Variants in FAT4 observed in about 807,000 individuals in gnomAD.
FAT4 encodes FAT atypical cadherin 4, also known as protocadherin Fat 4.
Under a neutral mutation model 303.9 loss-of-function variants are expected in FAT4, and 84 were observed. The ratio of observed to expected loss-of-function variants is 0.28; its 90% CI spans 0.23 to 0.33. The LOEUF (loss-of-function observed/expected upper bound fraction) is 0.33, where lower values mean the gene tolerates loss of function less well. Among genes scored for constraint, FAT4 ranks in the 10% least tolerant of loss-of-function variants. The pLI is 1.00. For synonymous variants in FAT4, 2,307 were observed against 2,298.8 expected (o/e 1.00, Z -0.10); for missense variants, 6,005 against 6,146.8 (o/e 0.98, Z 0.77).
In FAT4 at chr4:125,446,279, G is replaced by T. The variant is rs1412676112; in HGVS notation, c.7200-14G>T. 6.2e-7 allele frequency: 1 copy of T among 1,604,986 alleles called. No homozygotes were observed. Among genetic ancestry groups the T allele is most frequent in the Admixed American group, 1.7e-5 (1 of 59,798 alleles). On this transcript the variant is annotated splice_polypyrimidine_tract_variant and intron_variant, in intron 8 of 17. Transcript: ENST00000394329. ...AACTATATGACATATCCCTATTTCT[G>T]CTTTCTGCTTTAGTTATAGGATCAT...
Position 125,443,881 on chromosome 4 carries a change from C to T in FAT4, c.7200-2412C>T, listed in dbSNP as rs887998408. ...ACATATTATCTTAACTGTCGATCTA[C>T]GTACAGAGCTTATTGTGTTTCTTCT... On this transcript the variant is annotated intron_variant, in intron 8 of 17. Transcript: ENST00000394329. Among the ~76,000 whole-genome samples the T allele has an allele frequency of 6.6e-5, 10 of 152,084 alleles. No individual in the cohort carries two copies. The South Asian group carries it at 8.3e-4, about 13-fold the overall frequency.
rs560457434 is a variant in FAT4 at position 125,370,190 on chromosome 4, T to C, written c.5176-28594T>C. ...AAAATGTTACTTCTTTCTGACTTTT[T>C]GTAAAATCAGGATGGAAATATATTT... is the stretch of plus-strand genomic sequence containing the variant. On this transcript the variant is annotated intron_variant, in intron 2 of 17. Transcript: ENST00000394329. Among the ~76,000 whole-genome samples the C allele has an allele frequency of 1.0e-3, 156 of 152,188 alleles. 1 individual carries two copies. The highest frequency in any genetic ancestry group is 2.0e-3 in the Non-Finnish European group (138 of 68,032).
intron 10 of FAT4, among the ~76,000 whole-genome samples, chr4:125,462,193 A>T (rs1271223859): frequency 1.3e-5 from 2 of 151,970 alleles, no homozygotes; most frequent in Non-Finnish European, 2.9e-5. Context: ...TTCAGACCAG[A>T]ATAAGTGTGG....
chr4:125,336,569 T>C (rs980890266), intron 2 of FAT4, among the ~76,000 whole-genome samples: 1 of 152,032 alleles, frequency 6.6e-6, no homozygotes, highest in African/African-American at 2.4e-5. Context: ...TTCTTTCATT[T>C]TAATATTATA....
rs1050275705 is a variant in FAT4 at position 125,398,907 on chromosome 4, G to A, written c.5299G>A (p.Ala1767Thr). 1.9e-6 allele frequency: 3 copies of A among 1,613,018 alleles called. No individual in the cohort carries two copies. In the Admixed American group the frequency reaches 5.0e-5, roughly 27 times the overall value. The change falls in exon 3 of 18, where the codon GCT becomes ACT. Residue 1767 changes from alanine (A) to threonine (T), a missense_variant. Transcript: ENST00000394329. ...SKIMQLTAMD[A>T]DEGANALVTY... ...GATTATGCAGCTGACAGCCATGGAT[G>A]CTGATGAGGTAGCTCAAGCATGTCT...
Position 125,350,891 on chromosome 4 carries a change from C to T in FAT4, c.5175+29305C>T, listed in dbSNP as rs578097013. ...AGTCCTTTAAATTTAAAGAAGAATG[C>T]CTGACCCTTAAGACAGGGAGGTTCA... On this transcript the variant is annotated intron_variant, in intron 2 of 17. Coordinates refer to ENST00000394329, the MANE Select transcript of FAT4 (RefSeq NM_001291303.3). Among the ~76,000 whole-genome samples, 8 of 151,778 alleles carry T rather than the reference C, an allele frequency of 5.3e-5. No homozygotes were observed. In the South Asian group the frequency reaches 1.7e-3, roughly 31 times the overall value.
chr4:125,327,403 T>G (rs926726811), intron 2 of FAT4, among the ~76,000 whole-genome samples: 176 of 152,284 alleles, frequency 1.2e-3, no homozygotes, highest in African/African-American at 3.9e-3. Context: ...GAAGATTATT[T>G]TAAATAGGAA....
chr4:125,451,459 G>A lies in FAT4; in HGVS notation c.10449G>A (p.Leu3483=), dbSNP rs1188541153. The change falls in exon 10 of 18, where the codon TTG becomes TTA. Residue 3483 remains leucine, a synonymous_variant. Coordinates refer to ENST00000394329, the MANE Select transcript of FAT4 (RefSeq NM_001291303.3). The stretch of plus-strand genomic sequence containing the variant: ...TTCCCATCTATAATCTCTCAGTTTT[G>A]GCTGTTGATTCAGGGACCCCCTCAG... ...ETLPIYNLSV[L]AVDSGTPSAT... is the part of the protein sequence containing the mutation. 6.2e-7 allele frequency: 1 copy of A among 1,613,938 alleles called. No homozygotes were observed. Among genetic ancestry groups the A allele is most frequent in the African/African-American group, 1.3e-5 (1 of 74,890 alleles).
Position 125,385,708 on chromosome 4 carries a change from T to C in FAT4, c.5176-13076T>C, listed in dbSNP as rs531439797. Among the ~76,000 whole-genome samples, 18 of 152,290 alleles carry C rather than the reference T, an allele frequency of 1.2e-4. No homozygotes were observed. In the South Asian group the frequency reaches 3.3e-3, roughly 28 times the overall value. ...TATTTATAATTGATGGCTTTTTCCA[T>C]TACTCTGGAGTCTAATTTCAAATCT... On this transcript the variant is annotated intron_variant, in intron 2 of 17. Coordinates refer to ENST00000394329, the MANE Select transcript of FAT4 (RefSeq NM_001291303.3).
Position 125,490,220 on chromosome 4 carries a change from G to A in FAT4, c.13404G>A (p.Val4468=), listed in dbSNP as rs149993049. 629 of 1,614,138 alleles carry A rather than the reference G, an allele frequency of 3.9e-4. 2 individuals carry two copies. In the African/African-American group the frequency reaches 6.6e-3, roughly 17 times the overall value. Residue 4468 remains valine (V), a synonymous_variant, in exon 18 of 18, where the codon GTG becomes GTA. Coordinates refer to ENST00000394329, the MANE Select transcript of FAT4 (RefSeq NM_001291303.3). ...SHTGRTCEMV[V]ACLGVLCPQG... Reference sequence around the variant, plus strand: ...CGGGAAGGACCTGTGAGATGGTGGTGGCCTGTCTTGGCGTCCTCTGTCCTC... The same window carrying A: ...CGGGAAGGACCTGTGAGATGGTGGTAGCCTGTCTTGGCGTCCTCTGTCCTC...
intron 7 of FAT4, among the ~76,000 whole-genome samples, chr4:125,432,960 A>G (rs1202403031): frequency 6.6e-6 from 1 of 152,152 alleles, no homozygotes; most frequent in Non-Finnish European, 1.5e-5. Flanking sequence ...ATTCACAAAA[A>G]TAACAGATCT....
intron 2 of FAT4, among the ~76,000 whole-genome samples, chr4:125,383,348 G>T (rs575002001): frequency 6.6e-6 from 1 of 152,218 alleles, no homozygotes; most frequent in African/African-American, 2.4e-5. Context: ...CCATATTGTT[G>T]TTCTCAGGAA....
rs555194426 is a variant in FAT4, at chr4:125,437,943, A to G, written c.7199+3518A>G. 1.1e-4 allele frequency among the ~76,000 whole-genome samples: 16 copies of G among 152,298 alleles called. No homozygotes were observed. In the East Asian group the frequency reaches 2.7e-3, roughly 26 times the overall value. ...GCTGGTTAGAATAGCACCAGGAACA[A>G]AAAACAATGCTCAATAAATGTCAAC... is the stretch of plus-strand genomic sequence containing the variant. On this transcript the variant is annotated intron_variant, in intron 8 of 17. Transcript: ENST00000394329.
At chr4:125,440,643 G>GAGAGAGAGAT (rs1267577002) in intron 8 of FAT4, among the ~76,000 whole-genome samples, 22 of 151,302 alleles carry the variant, frequency 1.5e-4, no homozygotes, top group African/African-American at 5.3e-4. Flanking sequence ...GAGAGAGAGA[G>GAGAGAGAGAT]AATTTATTCC....
intron 2 of FAT4, among the ~76,000 whole-genome samples, chr4:125,332,327 A>T (rs1731416285): frequency 6.6e-6 from 1 of 152,122 alleles, no homozygotes; most frequent in South Asian, 2.1e-4. Context: ...CATGCCTGAC[A>T]TTAAACAATA....
In FAT4 at chr4:125,320,921, C is replaced by T; in HGVS notation, c.4510C>T (p.Pro1504Ser). 6.2e-7 allele frequency: 1 copy of T among 1,614,122 alleles called. No homozygotes were observed. The highest frequency in any genetic ancestry group is 1.3e-5 in the African/African-American group (1 of 75,040). The change falls in exon 2 of 18, where the codon CCA becomes TCA. Residue 1504 changes from proline to serine, a missense_variant. Pro to Ser is a moderately conservative substitution (Grantham distance 74). Coordinates refer to ENST00000394329, the MANE Select transcript of FAT4 (RefSeq NM_001291303.3). ...TGTAAAAGCCAATGATCAAGCTGTG[C>T]CAATAGAAACTAGACGGTATGCTTT... ...LTVKANDQAV[P>S]IETRRYALKN...
intron 2 of FAT4, among the ~76,000 whole-genome samples, chr4:125,382,541 T>TAAACA (rs1733581334): frequency 1.3e-5 from 2 of 152,052 alleles, no homozygotes; most frequent in Non-Finnish European, 2.9e-5. Context: ...TCATCCAGGG[T>TAAACA]TTGTTGTTTC....
chr4:125,389,364 C>T (rs1733888572), intron 2 of FAT4, among the ~76,000 whole-genome samples: 1 of 151,888 alleles, frequency 6.6e-6, no homozygotes, highest in Admixed American at 6.6e-5. Flanking sequence ...AAAGTGTTTC[C>T]TGTGAAATAA....
At chr4:125,459,091 C>T (rs1399766237) in intron 10 of FAT4, among the ~76,000 whole-genome samples, 1 of 151,826 alleles carries the variant, frequency 6.6e-6, no homozygotes, top group Non-Finnish European at 1.5e-5. Flanking sequence ...CATATTCTCC[C>T]ATCTCCTCTG....
Sources: gnomAD v4.1 joint callset for allele counts (sites outside exome capture counted in the v4.1 genomes callset) on GRCh38, gnomAD v4.1.1 for gene constraint, MANE v1.5 for transcripts, NCBI Gene and HGNC (gene_info 2026-07-23, HGNC 2026-07-21) for gene names.